Variants in GSE1 observed in about 807,000 individuals in gnomAD.
The protein encoded by GSE1 is genetic suppressor element 1.
Under a neutral mutation model 112.6 loss-of-function variants are expected in GSE1, and 32 were observed. The observed-to-expected ratio is 0.28, with a 90% confidence interval of 0.21 to 0.38. The LOEUF (loss-of-function observed/expected upper bound fraction) is 0.38, where lower values mean the gene tolerates loss of function less well. Ranked by LOEUF, GSE1 falls within the 10% of genes least tolerant of loss-of-function variation. The probability of loss-of-function intolerance (pLI) is 1.00; values close to 1 mark genes in which losing one functional copy is unlikely to be tolerated. For missense variants in GSE1, 2,348 were observed against 1,699.2 expected (o/e 1.38, Z -6.71); for synonymous variants, 1,115 against 735.6 (o/e 1.52, Z -8.35).
Position 85,668,387 on chromosome 16 carries a change from C to T in GSE1, c.3378C>T (p.Ile1126=), listed in dbSNP as rs555601863. Residue 1126 remains isoleucine (I), a synonymous_variant, in exon 14 of 16, where the codon ATC becomes ATT. Coordinates refer to ENST00000253458, the MANE Select transcript of GSE1 (RefSeq NM_014615.5). ...TCCCCAAGCGCAAGTGGCAAGGGAT[C>T]GAGGCCGTTTTTGAAGCTTACCAGG... ...EEVPKRKWQG[I]EAVFEAYQEH... is the part of the protein sequence containing the mutation. The T allele has an allele frequency of 1.2e-4, 198 of 1,611,408 alleles. 2 individuals carry two copies. In the South Asian group the frequency reaches 1.6e-3, roughly 13 times the overall value.
chr16:85,235,428 CTGTGTGTGTGTGTG>C (rs60860144), intron 1 of GSE1, among the ~76,000 whole-genome samples: 274 of 126,396 alleles, frequency 2.2e-3, no homozygotes, highest in African/African-American at 3.9e-3. Flanking sequence ...TGGAAGGGTA[CTGTGTGTGTGTGTG>C]TGTGTGTGTG....
At chr16:85,511,255 A>G (rs1452965356) in intron 2 of GSE1, among the ~76,000 whole-genome samples, 1 of 152,212 alleles carries the variant, frequency 6.6e-6, no homozygotes, top group African/African-American at 2.4e-5. Context: ...GGCTGGGTTC[A>G]GTGGCTCACG....
intron 1 of GSE1, among the ~76,000 whole-genome samples, chr16:85,628,105 C>T (rs1033620587): frequency 2.9e-4 from 44 of 152,208 alleles, no homozygotes; most frequent in African/African-American, 7.7e-4. Flanking sequence ...CCAAGGATCT[C>T]GGGGTTCCCC....
exon 1 of GSE1, chr16:85,171,242 C>G (rs2074354411): frequency 1.0e-6 from 1 of 985,658 alleles, no homozygotes; most frequent in African/African-American, 1.7e-5. Context: ...GCCTTCTCCG[C>G]CTCCGACCCT....
intron 1 of GSE1, among the ~76,000 whole-genome samples, chr16:85,217,241 G>T (rs1597822494): frequency 6.6e-6 from 1 of 152,232 alleles, no homozygotes; most frequent in South Asian, 2.1e-4. Context: ...TGGGACGATG[G>T]GGGAAAAGGG....
chr16:85,666,372 C>G, intron 13 of GSE1, 25 bp downstream of exon 13: 1 of 1,612,354 alleles, frequency 6.2e-7, no homozygotes. Context: ...AGTCCCTGCT[C>G]AGCTCTCGGC....
Position 85,664,163 on chromosome 16 carries a change from C to T in GSE1, c.2644+549C>T, listed in dbSNP as rs7192888. Reference sequence around the variant, plus strand: ...CGAATCCATATAGCAGAAGAAACAACGCAGCCACAACACCTGCTCAGGGTT... The same window carrying T: ...CGAATCCATATAGCAGAAGAAACAATGCAGCCACAACACCTGCTCAGGGTT... On this transcript the variant is annotated intron_variant, in intron 11 of 15. Coordinates refer to ENST00000253458, the MANE Select transcript of GSE1 (RefSeq NM_014615.5). 7.2e-5 allele frequency among the ~76,000 whole-genome samples: 11 copies of T among 152,374 alleles called. No individual in the cohort carries two copies. The South Asian group carries it at 1.9e-3, about 26-fold the overall frequency.
At chr16:85,242,678 C>T (rs1234226385) in intron 1 of GSE1, among the ~76,000 whole-genome samples, 1 of 152,204 alleles carries the variant, frequency 6.6e-6, no homozygotes, top group African/African-American at 2.4e-5. Flanking sequence ...GACAGCGACC[C>T]CGACCCCACT....
In GSE1 at chr16:85,419,353, C is replaced by T. The variant is rs1411587305; in HGVS notation, c.2464+61710C>T. On this transcript the variant is annotated intron_variant, in intron 2 of 2. Coordinates refer to the GSE1 transcript ENST00000637419. The surrounding 1 kb of genome is among the most constrained non-coding windows in gnomAD (Gnocchi z 6.5). ...GATGGCCGGGCGTGGTGGCTCGTGCCTATAATCCCAGCACTTTGGGAGGCT... is the reference window on the plus strand; with the variant it reads ...GATGGCCGGGCGTGGTGGCTCGTGCTTATAATCCCAGCACTTTGGGAGGCT... Among the ~76,000 whole-genome samples, 1 of 152,130 alleles carries T rather than the reference C, an allele frequency of 6.6e-6. No individual in the cohort carries two copies. Among genetic ancestry groups the T allele is most frequent in the Non-Finnish European group, 1.5e-5 (1 of 68,024 alleles).
At chr16:85,647,959 G>A (rs1418075876) in intron 2 of GSE1, among the ~76,000 whole-genome samples, 2 of 152,018 alleles carry the variant, frequency 1.3e-5, no homozygotes, top group Admixed American at 6.5e-5. Context: ...GGGAGCCCCC[G>A]GAGGGGGCGC....
At chr16:85,265,414 G>A (rs1003416512) in intron 1 of GSE1, among the ~76,000 whole-genome samples, 3 of 152,126 alleles carry the variant, frequency 2.0e-5, no homozygotes, top group African/African-American at 4.8e-5. Flanking sequence ...GTTGAGTCTC[G>A]ACCGCCCCAG....
chr16:85,254,514 T>A (rs1237196996), intron 1 of GSE1, among the ~76,000 whole-genome samples: 1 of 152,226 alleles, frequency 6.6e-6, no homozygotes, highest in African/African-American at 2.4e-5. Context: ...CCAGGAGGTC[T>A]GGCAATGAGC....
chr16:85,566,226 G>C (rs1307895029), intron 1 of GSE1, among the ~76,000 whole-genome samples: 1 of 152,222 alleles, frequency 6.6e-6, no homozygotes, highest in Non-Finnish European at 1.5e-5. Context: ...TGACCTGGAA[G>C]AGGGGGACCC....
At chr16:85,302,731 C>A (rs1297718052) in intron 1 of GSE1, among the ~76,000 whole-genome samples, 1 of 152,148 alleles carries the variant, frequency 6.6e-6, no homozygotes, top group Non-Finnish European at 1.5e-5. Context: ...TGTAGGGGGC[C>A]CAGGCATCTG....
intron 2 of GSE1, among the ~76,000 whole-genome samples, chr16:85,537,343 C>G (rs1283609524): frequency 6.6e-6 from 1 of 152,144 alleles, no homozygotes; most frequent in Non-Finnish European, 1.5e-5. Flanking sequence ...GAGGGCGGGA[C>G]AGTGGAGACA....
At chr16:85,325,501 G>T (rs1161623630) in intron 1 of GSE1, among the ~76,000 whole-genome samples, 1 of 152,082 alleles carries the variant, frequency 6.6e-6, no homozygotes, top group East Asian at 1.9e-4. Flanking sequence ...GCCCAGGCTG[G>T]AGTGCAGTGA....
chr16:85,280,201 G>T (rs78515691), intron 1 of GSE1, among the ~76,000 whole-genome samples: 6,927 of 152,232 alleles, frequency 0.046, 201 homozygotes, highest in Middle Eastern at 0.062. Flanking sequence ...GAAGGCCCTG[G>T]CCCAGGAGTC....
intron 1 of GSE1, among the ~76,000 whole-genome samples, chr16:85,214,040 C>T (rs746012904): frequency 1.3e-5 from 2 of 152,242 alleles, no homozygotes; most frequent in African/African-American, 2.4e-5. Context: ...GCACCGGCAT[C>T]GTTCCACTGG....
chr16:85,217,993 T>A (rs2075332463), intron 1 of GSE1, among the ~76,000 whole-genome samples: 1 of 152,088 alleles, frequency 6.6e-6, no homozygotes, highest in African/African-American at 2.4e-5. Flanking sequence ...CTCTGCCTCC[T>A]AGGTTCAAGC....
Sources: gnomAD v4.1 joint callset for allele counts (sites outside exome capture counted in the v4.1 genomes callset) on GRCh38, gnomAD v4.1.1 for gene constraint, Gnocchi (gnomAD v3.1) non-coding constraint, MANE v1.5 for transcripts, NCBI Gene and HGNC (gene_info 2026-07-23, HGNC 2026-07-21) for gene names.